ZMAT4: variants seen among roughly 807,000 people sequenced by gnomAD.
ZMAT4 encodes zinc finger matrin-type 4.
Under a neutral mutation model 28.7 loss-of-function variants are expected in ZMAT4, and 17 were observed. That is an observed-to-expected ratio of 0.59 (90% CI 0.41 to 0.89). The LOEUF (loss-of-function observed/expected upper bound fraction) is 0.89, where lower values mean the gene tolerates loss of function less well. Among genes scored for constraint, ZMAT4 ranks in the 40% least tolerant of loss-of-function variants. The pLI is 0.00. For synonymous variants in ZMAT4, 117 were observed against 109.2 expected, an observed-to-expected ratio of 1.07 and a Z score of -0.44; for missense variants, 240 against 283.8, an observed-to-expected ratio of 0.85 and a Z score of 1.11.
chr8:40,568,572 A>G (rs1293378175), intron 6 of ZMAT4, among the ~76,000 whole-genome samples: 1 of 152,112 alleles, frequency 6.6e-6, no homozygotes, highest in African/African-American at 2.4e-5. Context: ...ACACCTCAAC[A>G]TTCATCTACC....
At chr8:40,638,088 G>T (rs74795015) in intron 5 of ZMAT4, among the ~76,000 whole-genome samples, 1,624 of 152,174 alleles carry the variant, frequency 0.011, 25 homozygotes, top group African/African-American at 0.037. Flanking sequence ...AGGAGACGTT[G>T]GTCAAAGGGT....
chr8:40,614,520 TG>T (rs528272053), intron 5 of ZMAT4, among the ~76,000 whole-genome samples: 10 of 152,218 alleles, frequency 6.6e-5, no homozygotes, highest in Non-Finnish European at 1.2e-4. Context: ...ATGTTGACAG[TG>T]GGGTGTTAAA....
chr8:40,818,075 T>G (rs73619234), intron 2 of ZMAT4, among the ~76,000 whole-genome samples: 2,887 of 152,274 alleles, frequency 0.019, 100 homozygotes, highest in African/African-American at 0.065. Flanking sequence ...TCAATGAGCA[T>G]GAAGCACATC....
chr8:40,554,593 T>C (rs1176983351), intron 6 of ZMAT4, among the ~76,000 whole-genome samples: 1 of 152,202 alleles, frequency 6.6e-6, no homozygotes, highest in African/African-American at 2.4e-5. Context: ...ATAGCATTTT[T>C]ATCTATGAAT....
intron 5 of ZMAT4, among the ~76,000 whole-genome samples, chr8:40,589,425 G>A (rs750322036): frequency 6.6e-6 from 1 of 152,136 alleles, no homozygotes; most frequent in South Asian, 2.1e-4. Flanking sequence ...ATCTGGTCTG[G>A]TATTCTCATA....
chr8:40,797,604 A>G (rs1360161538), intron 2 of ZMAT4, among the ~76,000 whole-genome samples: 1 of 152,240 alleles, frequency 6.6e-6, no homozygotes, highest in African/African-American at 2.4e-5. Flanking sequence ...TGCACATTAC[A>G]GGACTTCCAT....
chr8:40,639,083 C>T (rs1359715898), intron 5 of ZMAT4, among the ~76,000 whole-genome samples: 3 of 152,210 alleles, frequency 2.0e-5, no homozygotes, highest in African/African-American at 7.2e-5. Context: ...GTGTCTGACT[C>T]TGCTGCTTCT....
intron 3 of ZMAT4, among the ~76,000 whole-genome samples, chr8:40,740,707 C>T (rs1811963816): frequency 6.6e-6 from 1 of 152,118 alleles, no homozygotes; most frequent in Admixed American, 6.5e-5. Context: ...GTTCACAGAC[C>T]TCTAGGACTG....
chr8:40,877,133 G>T (rs1818067871), intron 1 of ZMAT4, among the ~76,000 whole-genome samples: 1 of 152,184 alleles, frequency 6.6e-6, no homozygotes, highest in African/African-American at 2.4e-5. Context: ...ACGCATAGAG[G>T]GAAGATGCGA....
intron 4 of ZMAT4, among the ~76,000 whole-genome samples, chr8:40,678,355 G>A (rs1005559368): frequency 6.6e-6 from 1 of 152,108 alleles, no homozygotes; most frequent in African/African-American, 2.4e-5. Context: ...ATTAATATTG[G>A]TAAAGTTAGA....
At chr8:40,742,142 C>T (rs1425527664) in intron 3 of ZMAT4, among the ~76,000 whole-genome samples, 1 of 151,248 alleles carries the variant, frequency 6.6e-6, no homozygotes, top group Non-Finnish European at 1.5e-5. Flanking sequence ...ACTGTAGTCC[C>T]CAGCTACTCA....
chr8:40,747,666 A>T (rs1812295851), intron 3 of ZMAT4, among the ~76,000 whole-genome samples: 1 of 152,178 alleles, frequency 6.6e-6, no homozygotes, highest in South Asian at 2.1e-4. Context: ...CACACTGAAG[A>T]TCCCTAATTC....
At chr8:40,782,542 C>G (rs1004006882) in intron 2 of ZMAT4, among the ~76,000 whole-genome samples, 1 of 152,040 alleles carries the variant, frequency 6.6e-6, no homozygotes, top group Non-Finnish European at 1.5e-5. Flanking sequence ...TATAAAAAGA[C>G]AAATATCTCA....
At chr8:40,589,731 C>CTTTTCTTTCTTTCTTTCTTT (rs1554523988) in intron 5 of ZMAT4, among the ~76,000 whole-genome samples, 2 of 139,274 alleles carry the variant, frequency 1.4e-5, no homozygotes, top group African/African-American at 5.4e-5. Flanking sequence ...TTCTTCCTTT[C>CTTTTCTTTCTTTCTTTCTTT]CTTTCTTTCT....
At chr8:40,634,291 A>G (rs895656520) in intron 5 of ZMAT4, among the ~76,000 whole-genome samples, 1 of 152,166 alleles carries the variant, frequency 6.6e-6, no homozygotes, top group Non-Finnish European at 1.5e-5. Flanking sequence ...CCTGGTCCAC[A>G]AGTAGGTAGA....
chr8:40,542,799 T>G (rs544079392), intron 6 of ZMAT4, among the ~76,000 whole-genome samples: 3 of 152,186 alleles, frequency 2.0e-5, no homozygotes, highest in Non-Finnish European at 4.4e-5. Flanking sequence ...GAAATGATGA[T>G]CAATCAACAC....
At chr8:40,778,555 C>T (rs537533430) in intron 2 of ZMAT4, among the ~76,000 whole-genome samples, 28 of 152,160 alleles carry the variant, frequency 1.8e-4, no homozygotes, top group Non-Finnish European at 2.8e-4. Flanking sequence ...CACCTAATGA[C>T]GGGAAAACAG....
chr8:40,844,927 G>A (rs554331299), intron 1 of ZMAT4, among the ~76,000 whole-genome samples: 1 of 152,256 alleles, frequency 6.6e-6, no homozygotes, highest in Middle Eastern at 3.4e-3. Context: ...CCTATTGATT[G>A]CATTGGTGTG....
At chr8:40,813,101 A>T (rs1815394435) in intron 2 of ZMAT4, among the ~76,000 whole-genome samples, 1 of 151,968 alleles carries the variant, frequency 6.6e-6, no homozygotes, top group Admixed American at 6.6e-5. Flanking sequence ...GAAACAAAGT[A>T]TGTCTGGGTA....
Sources: allele counts gnomAD v4.1 joint callset (sites outside exome capture counted in the v4.1 genomes callset), GRCh38; gene constraint gnomAD v4.1.1; transcripts MANE v1.5; gene names NCBI Gene and HGNC (gene_info 2026-07-23, HGNC 2026-07-21).